Variants in TMEM132B observed in about 807,000 individuals in gnomAD.
The protein encoded by TMEM132B is transmembrane protein 132B.
In TMEM132B, 18 loss-of-function variants were observed where a neutral mutation model predicts 90.8. The observed-to-expected ratio is 0.20, with a 90% CI of 0.14 to 0.29. The LOEUF is 0.29. Among genes scored for constraint, TMEM132B ranks in the 10% least tolerant of loss-of-function variants. TMEM132B has a pLI of 1.00. For synonymous variants in TMEM132B, 504 were observed against 523.3 expected, an observed-to-expected ratio of 0.96 and a Z score of 0.50; for missense variants, 1,096 against 1,326.8, an observed-to-expected ratio of 0.83 and a Z score of 2.70.
intron 1 of TMEM132B, among the ~76,000 whole-genome samples, chr12:125,306,816 C>T (rs1232842676): frequency 1.3e-5 from 2 of 152,240 alleles, no homozygotes; most frequent in East Asian, 3.8e-4. Flanking sequence ...ATGTCCATCT[C>T]ATTCCAAGTA....
chr12:125,492,775 C>T lies in TMEM132B; in HGVS notation c.1107-26664C>T, dbSNP rs113307760. Among the ~76,000 whole-genome samples, 7 of 152,264 alleles carry T rather than the reference C, an allele frequency of 4.6e-5. No homozygotes were observed. The highest frequency in any genetic ancestry group is 2.0e-4 in the Admixed American group (3 of 15,290). On this transcript the variant is annotated intron_variant, in intron 3 of 8. Transcript: ENST00000682704. This position sits in a 1 kb window ranked among gnomAD's most constrained non-coding sequence, Gnocchi z 5.8. Reference sequence around the variant, plus strand: ...GTCCACTCAGCCACTCAGCCACGCCCGCAGATCTCACTTGGCTCCAAAATG... The same window carrying T: ...GTCCACTCAGCCACTCAGCCACGCCTGCAGATCTCACTTGGCTCCAAAATG...
At chr12:125,221,033 G>T (rs1322126633) in intron 1 of TMEM132B, among the ~76,000 whole-genome samples, 1 of 152,210 alleles carries the variant, frequency 6.6e-6, no homozygotes, top group East Asian at 1.9e-4. Context: ...CATGACTTTA[G>T]CCACATGTCA....
intron 3 of TMEM132B, among the ~76,000 whole-genome samples, chr12:125,461,519 C>T (rs942360075): frequency 1.3e-5 from 2 of 152,196 alleles, no homozygotes; most frequent in African/African-American, 2.4e-5. Flanking sequence ...GATGTGGGGC[C>T]GGGACCACAC....
At chr12:125,442,356 G>T (rs1406822325) in intron 3 of TMEM132B, among the ~76,000 whole-genome samples, 1 of 152,224 alleles carries the variant, frequency 6.6e-6, no homozygotes, top group Non-Finnish European at 1.5e-5. Flanking sequence ...GGGATGTTTT[G>T]TGATCTCCTG....
At chr12:125,608,804 C>A (rs1443259707) in intron 5 of TMEM132B, among the ~76,000 whole-genome samples, 1 of 151,892 alleles carries the variant, frequency 6.6e-6, no homozygotes, top group Non-Finnish European at 1.5e-5. Flanking sequence ...GTCCCATCAC[C>A]ACTTGTTGAA....
At chr12:125,386,860 T>C (rs748778589) in intron 2 of TMEM132B, among the ~76,000 whole-genome samples, 16 of 152,230 alleles carry the variant, frequency 1.1e-4, no homozygotes, top group Non-Finnish European at 2.1e-4. Context: ...TGTGATGATC[T>C]GGCTAATGTT....
At chr12:125,438,199 T>A (rs980628355) in intron 3 of TMEM132B, among the ~76,000 whole-genome samples, 2 of 152,214 alleles carry the variant, frequency 1.3e-5, no homozygotes, top group Non-Finnish European at 2.9e-5. Context: ...AAAGGTAATA[T>A]CTAATACCAT....
intron 1 of TMEM132B, among the ~76,000 whole-genome samples, chr12:125,212,337 T>A (rs1873338213): frequency 1.2e-4 from 1 of 8,546 alleles, no homozygotes; most frequent in Non-Finnish European, 2.3e-4. Context: ...ATTAATAAAT[T>A]AATTAATATA....
At chr12:125,485,152 A>G (rs927691602) in intron 3 of TMEM132B, among the ~76,000 whole-genome samples, 3 of 152,232 alleles carry the variant, frequency 2.0e-5, no homozygotes, top group Admixed American at 6.5e-5. Context: ...AGAAGACACC[A>G]AAGACTTCTT....
chr12:125,264,497 A>G (rs1874641546), intron 1 of TMEM132B, among the ~76,000 whole-genome samples: 1 of 152,170 alleles, frequency 6.6e-6, no homozygotes, highest in East Asian at 1.9e-4. Context: ...AGCAAGGTGG[A>G]CCATTCTGGG....
chr12:125,436,819 A>T (rs2009880), intron 3 of TMEM132B, among the ~76,000 whole-genome samples: 1 of 151,900 alleles, frequency 6.6e-6, no homozygotes, highest in African/African-American at 2.4e-5. Flanking sequence ...GGAACATAGA[A>T]CTATGGCTGA....
Position 125,661,098 on chromosome 12 carries a change from G to A in TMEM132B, c.*6388G>A, listed in dbSNP as rs1374054630. ...TGAGACTTTCTGTTTCCCATTGTAA[G>A]GCTGGAGCTGAAATAGTCTGCCACG... On this transcript the variant is annotated 3_prime_UTR_variant, in exon 9 of 9. Transcript: ENST00000682704. 6.6e-6 allele frequency: 1 copy of A among 152,196 alleles called. No homozygotes were observed. The highest frequency in any genetic ancestry group is 1.5e-5 in the Non-Finnish European group (1 of 68,038). 9.4% of individuals were successfully genotyped at this position (152,196 alleles called of 1,614,324 possible).
intron 1 of TMEM132B, among the ~76,000 whole-genome samples, chr12:125,304,082 G>C (rs1383763176): frequency 6.6e-6 from 1 of 152,208 alleles, no homozygotes; most frequent in Non-Finnish European, 1.5e-5. Flanking sequence ...TCAGGCATTA[G>C]TTAGATTCTT....
chr12:125,472,035 C>T (rs577676890), intron 3 of TMEM132B, among the ~76,000 whole-genome samples: 19 of 152,270 alleles, frequency 1.2e-4, no homozygotes, highest in African/African-American at 4.1e-4. Context: ...GCTCAATAAG[C>T]ACTCATTGAC....
intron 4 of TMEM132B, among the ~76,000 whole-genome samples, chr12:125,573,294 T>C (rs947536714): frequency 6.6e-6 from 1 of 152,216 alleles, no homozygotes; most frequent in African/African-American, 2.4e-5. Context: ...TCCTGTGATT[T>C]TGTGATGGTA....
At chr12:125,323,820 C>T (rs1876491831) in intron 1 of TMEM132B, among the ~76,000 whole-genome samples, 1 of 152,164 alleles carries the variant, frequency 6.6e-6, no homozygotes, top group African/African-American at 2.4e-5. Context: ...TACTGGGCTC[C>T]TTGTTTCTTA....
rs956503120 is a variant in TMEM132B at position 125,337,742 on chromosome 12, C to T, written c.68-11710C>T. 2.0e-5 allele frequency among the ~76,000 whole-genome samples: 3 copies of T among 152,194 alleles called. No homozygotes were observed. The East Asian group carries it at 5.8e-4, about 29-fold the overall frequency. The stretch of plus-strand genomic sequence containing the variant: ...CCGGTATTCTGTTCTATGCTATTTT[C>T]CCCTGTTTGGCTAGGTTTGGGCTCC... On this transcript the variant is annotated intron_variant, in intron 1 of 8. Coordinates refer to ENST00000682704, the MANE Select transcript of TMEM132B (RefSeq NM_001366854.1).
chr12:125,462,813 G>A (rs1379167270), intron 3 of TMEM132B, among the ~76,000 whole-genome samples: 1 of 152,200 alleles, frequency 6.6e-6, no homozygotes, highest in African/African-American at 2.4e-5. Context: ...TAATCCACAA[G>A]CAGCAACCTG....
rs1172287100 is a variant in TMEM132B, at chr12:125,349,480, C to A, written c.96C>A (p.Ser32Arg). Reference sequence around the variant, plus strand: ...CAGAGAGTCGAGGGATTGTGGATAGCCTGCAGAAGTTTTCCTCGCTCCCTG... The same window carrying A: ...CAGAGAGTCGAGGGATTGTGGATAGACTGCAGAAGTTTTCCTCGCTCCCTG... ...PVTESRGIVD[S>R]LQKFSSLPAY... The change falls in exon 2 of 9, where the codon AGC (serine) becomes AGA (arginine). Residue 32 changes from serine (S) to arginine (R), a missense_variant. Physicochemically the swap from Ser to Arg is moderately radical, Grantham distance 110. Coordinates refer to ENST00000682704, the MANE Select transcript of TMEM132B (RefSeq NM_001366854.1). This position sits in a 1 kb window ranked among gnomAD's most constrained non-coding sequence, Gnocchi z 4.1. The A allele has an allele frequency of 1.9e-6, 3 of 1,612,750 alleles. No homozygotes were observed. Among genetic ancestry groups the A allele is most frequent in the Non-Finnish European group, 8.5e-7 (1 of 1,179,358 alleles).
Sources: allele counts gnomAD v4.1 joint callset (sites outside exome capture counted in the v4.1 genomes callset), GRCh38; gene constraint gnomAD v4.1.1; non-coding constraint Gnocchi (gnomAD v3.1); transcripts MANE v1.5; gene names NCBI Gene and HGNC (gene_info 2026-07-23, HGNC 2026-07-21).